Variants in DAPK2 observed in about 807,000 individuals in gnomAD.
DAPK2 encodes death-associated protein kinase 2.
In DAPK2, 35 loss-of-function variants were observed where a neutral mutation model predicts 44.1. That is an observed-to-expected ratio of 0.79 (90% CI 0.61 to 1.05). DAPK2 has a LOEUF of 1.05. DAPK2 is among the 50% of genes least tolerant of loss of function. DAPK2 has a pLI of 0.00. For missense variants in DAPK2, 453 were observed against 483.2 expected (o/e 0.94, Z 0.59); for synonymous variants, 174 against 182.6 (o/e 0.95, Z 0.38).
intron 1 of DAPK2, among the ~76,000 whole-genome samples, chr15:64,035,328 T>A (rs1034830955): frequency 3.3e-5 from 5 of 152,320 alleles, no homozygotes; most frequent in African/African-American, 1.2e-4. Flanking sequence ...GCCTATCTAC[T>A]AGCACCCTCC....
intron 10 of DAPK2, among the ~76,000 whole-genome samples, chr15:63,910,147 G>A (rs533588927): frequency 1.3e-5 from 2 of 152,350 alleles, no homozygotes; most frequent in South Asian, 4.1e-4. Flanking sequence ...GCGGGAGAGC[G>A]GTCCAGTGCC....
rs748435388 is a variant in DAPK2, at chr15:63,912,101, G to GAC, written c.948+5_948+6dup. ...CCTGTCCCCCGCCGCCCCAACCCTG[G>GAC]ACACACCTTCCACCGCCTGCGGACA... On this transcript the variant is annotated splice_region_variant and intron_variant, in intron 9 of 10. Transcript: ENST00000261891. The surrounding 1 kb of genome is among the most constrained non-coding windows in gnomAD (Gnocchi z 4.4). 1.2e-5 allele frequency: 19 copies of GAC among 1,613,170 alleles called. 1 individual carries two copies. In the South Asian group the frequency reaches 1.5e-4, roughly 13 times the overall value.
At chr15:64,016,259 CTT>C in intron 1 of DAPK2, among the ~76,000 whole-genome samples, 1 of 152,356 alleles carries the variant, frequency 6.6e-6, no homozygotes, top group Middle Eastern at 3.4e-3. Flanking sequence ...CCTGACCCCC[CTT>C]ATCCATGAGT....
intron 3 of DAPK2, among the ~76,000 whole-genome samples, chr15:63,945,983 T>C (rs2077439888): frequency 6.6e-6 from 1 of 152,166 alleles, no homozygotes; most frequent in Non-Finnish European, 1.5e-5. Context: ...ACTCCTGTCA[T>C]TCTCCTCCAG....
chr15:64,019,878 A>T (rs988844645), intron 1 of DAPK2, among the ~76,000 whole-genome samples: 15 of 152,180 alleles, frequency 9.9e-5, no homozygotes, highest in African/African-American at 3.4e-4. Flanking sequence ...ATCTTATCAG[A>T]GGTTGGTGAA....
intron 1 of DAPK2, among the ~76,000 whole-genome samples, chr15:64,019,692 G>A (rs2079629983): frequency 6.6e-6 from 1 of 152,208 alleles, no homozygotes; most frequent in East Asian, 1.9e-4. Flanking sequence ...CTACATGCCA[G>A]TGTGTATGTA....
rs550521805 is a variant in DAPK2, at chr15:63,966,224, C to T, written c.453+5199G>A. ...CTCAGAGAGTGTCTAGAAATGTTGT[C>T]TGAGATCTAGGGCCTGGAATGGGGG... On this transcript the variant is annotated intron_variant, in intron 3 of 10. Coordinates refer to ENST00000261891, the Ensembl canonical transcript of DAPK2. This position sits in a 1 kb window ranked among gnomAD's most constrained non-coding sequence, Gnocchi z 5.5. Among the ~76,000 whole-genome samples, 1 of 152,364 alleles carries T rather than the reference C, an allele frequency of 6.6e-6. No individual in the cohort carries two copies. The highest frequency in any genetic ancestry group is 2.1e-4 in the South Asian group (1 of 4,830).
chr15:63,932,539 A>T (rs961981290), intron 4 of DAPK2: 6 of 114,140 alleles, frequency 5.3e-5, no homozygotes, highest in South Asian at 3.8e-4. Context: ...ACTTTATTTT[A>T]TTTATTTATT....
chr15:64,029,922 G>C (rs894091604), intron 1 of DAPK2: 1 of 152,238 alleles, frequency 6.6e-6, no homozygotes, highest in African/African-American at 2.4e-5. Context: ...TTTTGCATCC[G>C]GCCAGCTCAC....
chr15:63,953,220 A>G (rs2077638966), intron 3 of DAPK2, among the ~76,000 whole-genome samples: 1 of 151,578 alleles, frequency 6.6e-6, no homozygotes, highest in African/African-American at 2.4e-5. Flanking sequence ...TATGAGTGAG[A>G]ACATACAATG....
rs1239612516 is a variant in DAPK2 at position 63,939,218 on chromosome 15, G to C, written c.583+14C>G. ...CAGATTCTTAGCTGAAAGACAAACA[G>C]GCCTACAACTCACCAACAAATTCCG... is the stretch of plus-strand genomic sequence containing the variant. On this transcript the variant is annotated intron_variant, in intron 4 of 10. Transcript: ENST00000261891. The surrounding 1 kb of genome is among the most constrained non-coding windows in gnomAD (Gnocchi z 4.3). 6.2e-7 allele frequency: 1 copy of C among 1,613,346 alleles called. No homozygotes were observed. The highest frequency in any genetic ancestry group is 8.5e-7 in the Non-Finnish European group (1 of 1,179,776).
At chr15:63,983,678 G>T (rs773075712) in exon 2 of DAPK2, 13 of 1,613,732 alleles carry the variant, frequency 8.1e-6, no homozygotes, top group Admixed American at 1.7e-5. Context: ...CGGCTCTGCC[G>T]CTTCTTGATG....
Position 63,908,649 on chromosome 15 carries a change from G to T in DAPK2, c.1033-49C>A, listed in dbSNP as rs192142679. 1.0e-5 allele frequency: 15 copies of T among 1,495,536 alleles called. No homozygotes were observed. Among genetic ancestry groups the T allele is most frequent in the Middle Eastern group, 3.4e-4 (2 of 5,812 alleles). The allele number at this position is 1,495,536 out of a possible 1,614,324, so 92.6% of individuals were successfully genotyped here. ...GTCCAGGGCAGGAGGATCATGAGAC[G>T]CCAGGAATGGGGCTGTGCTGGGCAA... On this transcript the variant is annotated intron_variant, in intron 10 of 10. Coordinates refer to ENST00000261891, the Ensembl canonical transcript of DAPK2. The surrounding 1 kb of genome is among the most constrained non-coding windows in gnomAD (Gnocchi z 5.7).
At chr15:63,951,871 C>T (rs529585650) in intron 3 of DAPK2, among the ~76,000 whole-genome samples, 3 of 152,302 alleles carry the variant, frequency 2.0e-5, no homozygotes, top group African/African-American at 4.8e-5. Flanking sequence ...CTCATTTGTT[C>T]GACACTGAGG....
intron 3 of DAPK2, among the ~76,000 whole-genome samples, chr15:63,952,438 A>G (rs957966668): frequency 4.6e-5 from 7 of 152,194 alleles, no homozygotes; most frequent in Non-Finnish European, 1.0e-4. Context: ...AGAATAGCAC[A>G]AACAGAGGAG....
rs2079738401 is a variant in DAPK2 at position 64,023,064 on chromosome 15, T to C, written c.92+17106A>G. ...TCTCTTTACCTTCTCTTTTAGTTGC[T>C]GCCATCTTAACTTACTCATCCTTCA... On this transcript the variant is annotated intron_variant, in intron 1 of 10. Transcript: ENST00000261891. Among the ~76,000 whole-genome samples the C allele has an allele frequency of 4.6e-5, 7 of 152,228 alleles. No homozygotes were observed. In the South Asian group the frequency reaches 1.5e-3, roughly 32 times the overall value.
chr15:63,943,625 C>A (rs1230109691), intron 3 of DAPK2, among the ~76,000 whole-genome samples: 1 of 152,006 alleles, frequency 6.6e-6, no homozygotes, highest in Non-Finnish European at 1.5e-5. Flanking sequence ...GTATTCCCAG[C>A]ACTTTGGGAG....
At chr15:63,948,863 T>C (rs1233360987) in intron 3 of DAPK2, among the ~76,000 whole-genome samples, 1 of 152,176 alleles carries the variant, frequency 6.6e-6, no homozygotes, top group African/African-American at 2.4e-5. Flanking sequence ...CTGACCCCTG[T>C]AAAACTGACC....
Position 63,939,405 on chromosome 15 carries a change from G to GAA in DAPK2, c.454-46_454-45dup. ...AAAAAAAAAAAAGGAAGGAAGAAAA[G>GAA]AAAAAAAAAGACGGTAATTAAAGGC... On this transcript the variant is annotated intron_variant, in intron 3 of 10. Transcript: ENST00000261891. This position sits in a 1 kb window ranked among gnomAD's most constrained non-coding sequence, Gnocchi z 4.3. 3 of 1,469,222 alleles carry GAA rather than the reference G, an allele frequency of 2.0e-6. No individual in the cohort carries two copies. The highest frequency in any genetic ancestry group is 1.3e-5 in the South Asian group (1 of 77,866). 91.0% of individuals were successfully genotyped at this position (1,469,222 alleles called of 1,614,324 possible).
Sources: gnomAD v4.1 joint callset for allele counts (sites outside exome capture counted in the v4.1 genomes callset) on GRCh38, gnomAD v4.1.1 for gene constraint, Gnocchi (gnomAD v3.1) non-coding constraint, MANE v1.5 for transcripts, NCBI Gene and HGNC (gene_info 2026-07-23, HGNC 2026-07-21) for gene names.